The following ADA variants were observed in gnomAD, a reference collection of about 807,000 sequenced individuals.
ADA encodes the protein adenosine aminohydrolase.
Under a neutral mutation model 49.0 loss-of-function variants are expected in ADA, and 45 were observed. The ratio of observed to expected loss-of-function variants is 0.92; its 90% confidence interval spans 0.72 to 1.18. The LOEUF (loss-of-function observed/expected upper bound fraction) is 1.18. Among genes scored for constraint, ADA ranks in the 50% most tolerant of loss-of-function variants. The pLI, the probability that ADA is intolerant of heterozygous loss-of-function variation, is 0.00. For missense variants in ADA, 445 were observed against 472.5 expected (o/e 0.94, Z 0.54); for synonymous variants, 173 against 184.2 (o/e 0.94, Z 0.49).
intron 1 of ADA, among the ~76,000 whole-genome samples, chr20:44,639,878 G>A (rs2065515819): frequency 6.6e-6 from 1 of 152,102 alleles, no homozygotes; most frequent in Non-Finnish European, 1.5e-5. Flanking sequence ...AATATCAAGG[G>A]AGGTAAGGAA....
At chr20:44,637,670 T>C (rs191826375) in intron 1 of ADA, among the ~76,000 whole-genome samples, 21 of 152,254 alleles carry the variant, frequency 1.4e-4, no homozygotes, top group African/African-American at 4.1e-4. Flanking sequence ...AGCACATACA[T>C]GAGCTGCCTC....
chr20:44,633,601 G>A (rs559904238), intron 2 of ADA, among the ~76,000 whole-genome samples: 2 of 152,192 alleles, frequency 1.3e-5, no homozygotes, highest in Non-Finnish European at 2.9e-5. Flanking sequence ...CCCGTAGAGA[G>A]GAAGGCCAGA....
chr20:44,649,465 C>T (rs1460332073), intron 1 of ADA, among the ~76,000 whole-genome samples: 4 of 152,036 alleles, frequency 2.6e-5, no homozygotes, highest in Admixed American at 2.0e-4. Context: ...CCTTGGGACT[C>T]AGGACACGGG....
intron 1 of ADA, among the ~76,000 whole-genome samples, chr20:44,645,389 T>G (rs2477898): frequency 0.98 from 146,458 of 149,738 alleles, 71,709 homozygotes; most frequent in East Asian, 1. Flanking sequence ...GTCACTGAAG[T>G]CACCTGGTAC....
intron 1 of ADA, among the ~76,000 whole-genome samples, chr20:44,646,367 A>AT (rs2065591728): frequency 6.6e-6 from 1 of 152,166 alleles, no homozygotes; most frequent in African/African-American, 2.4e-5. Context: ...TCCTAGGCAC[A>AT]TTTTTGTTTT....
intron 4 of ADA, 58 bp from the exon 5 acceptor site, chr20:44,625,742 CTCTGGG>C: frequency 1.4e-6 from 2 of 1,398,954 alleles, no homozygotes; most frequent in Non-Finnish European, 9.9e-7. Flanking sequence ...TAAAGGGCAG[CTCTGGG>C]ACTGGGACAG....
At chr20:44,620,170 G>A (rs888495200) in intron 11 of ADA, 129 bp downstream of exon 11, 1 of 904,918 alleles carries the variant, frequency 1.1e-6, no homozygotes, top group Non-Finnish European at 1.8e-6. Flanking sequence ...CCAGGGCCCA[G>A]AAACCAGGGA....
At chr20:44,625,817 G>A (rs1429328951) in intron 4 of ADA, 133 bp from the exon 5 acceptor site, 9 of 732,024 alleles carry the variant, frequency 1.2e-5, no homozygotes, top group Non-Finnish European at 2.1e-5. Flanking sequence ...CTGCCTCAGA[G>A]GAAAGACTGG....
chr20:44,622,585 C>T lies in ADA; in HGVS notation c.845+3G>A, dbSNP rs2123516560. 3 of 1,614,232 alleles carry T rather than the reference C, an allele frequency of 1.9e-6. No homozygotes were observed. The highest frequency in any genetic ancestry group is 1.6e-4 in the Middle Eastern group (1 of 6,062). ...TGAACAGGCCCAGGGGAACAGAGCT[C>T]ACCGAATGACTGCATGCTCCGTGTC... On this transcript the variant is annotated splice_donor_region_variant and intron_variant, in intron 9 of 11. Transcript: ENST00000372874.
intron 1 of ADA, among the ~76,000 whole-genome samples, chr20:44,640,405 A>G (rs2145346584): frequency 6.8e-6 from 1 of 146,318 alleles, no homozygotes; most frequent in East Asian, 2.0e-4. Context: ...ACAGAGCAAT[A>G]CTCCCTCTCA....
At chr20:44,639,586 T>G (rs954784178) in intron 1 of ADA, among the ~76,000 whole-genome samples, 1 of 152,032 alleles carries the variant, frequency 6.6e-6, no homozygotes, top group Non-Finnish European at 1.5e-5. Flanking sequence ...CTAATTTTTG[T>G]ATTTTTAGTA....
At chr20:44,641,434 C>T (rs1381294213) in intron 1 of ADA, among the ~76,000 whole-genome samples, 1 of 152,022 alleles carries the variant, frequency 6.6e-6, no homozygotes, top group East Asian at 1.9e-4. Flanking sequence ...CACAATTTTG[C>T]CCCTAAAGGA....
chr20:44,648,621 T>C (rs1327722496), intron 1 of ADA, among the ~76,000 whole-genome samples: 1 of 152,062 alleles, frequency 6.6e-6, no homozygotes, highest in African/African-American at 2.4e-5. Flanking sequence ...CTCTTCCCTG[T>C]GTCTAAGCCC....
chr20:44,624,032 C>T (rs2065358530), intron 6 of ADA, 170 bp downstream of exon 6: 1 of 940,374 alleles, frequency 1.1e-6, no homozygotes, highest in Middle Eastern at 2.2e-4. Context: ...AGGCATGAAC[C>T]ACCACGCCTG....
At chr20:44,641,609 CAGA>C (rs1365944084) in intron 1 of ADA, among the ~76,000 whole-genome samples, 1 of 151,954 alleles carries the variant, frequency 6.6e-6, no homozygotes, top group Non-Finnish European at 1.5e-5. Context: ...GTCAGAAAGT[CAGA>C]AGGTCAAACC....
intron 2 of ADA, among the ~76,000 whole-genome samples, chr20:44,634,021 G>A (rs1280536237): frequency 6.6e-6 from 1 of 152,262 alleles, no homozygotes; most frequent in African/African-American, 2.4e-5. Context: ...GCTGGCACCT[G>A]CCGCACGCCA....
chr20:44,639,150 C>A (rs910783723), intron 1 of ADA, among the ~76,000 whole-genome samples: 1 of 152,114 alleles, frequency 6.6e-6, no homozygotes, highest in Admixed American at 6.5e-5. Context: ...TCCTCCAAGG[C>A]CAGTTAGAGG....
chr20:44,648,840 C>G lies in ADA; in HGVS notation c.33+2735G>C, dbSNP rs143258700. On this transcript the variant is annotated intron_variant, in intron 1 of 11. Coordinates refer to ENST00000372874, the MANE Select transcript of ADA (RefSeq NM_000022.4). ...GCAGCATCGCAGGCCCCAACCCGAC[C>G]CACACAGAATCACAGTGTGAACATT... Among the ~76,000 whole-genome samples, 846 of 152,150 alleles carry G rather than the reference C, an allele frequency of 5.6e-3. 19 individuals carry two copies. Among genetic ancestry groups the G allele is most frequent in the African/African-American group, 0.02 (808 of 41,412 alleles).
intron 1 of ADA, among the ~76,000 whole-genome samples, chr20:44,640,549 T>C (rs936125207): frequency 1.3e-5 from 2 of 151,056 alleles, no homozygotes; most frequent in African/African-American, 2.4e-5. Flanking sequence ...GTACCTATAA[T>C]CCCAGCTACT....
Sources: allele counts gnomAD v4.1 joint callset (sites outside exome capture counted in the v4.1 genomes callset), GRCh38; gene constraint gnomAD v4.1.1; transcripts MANE v1.5; gene names NCBI Gene and HGNC (gene_info 2026-07-23, HGNC 2026-07-21).